MAGI2: variants seen among roughly 807,000 people sequenced by gnomAD.
MAGI2 encodes membrane associated guanylate kinase, WW and PDZ domain containing 2.
In MAGI2, 35 loss-of-function variants were observed where a neutral mutation model predicts 133.3. The observed-to-expected ratio is 0.26, with a 90% CI of 0.20 to 0.35. The LOEUF (loss-of-function observed/expected upper bound fraction) is 0.35, where lower values mean the gene tolerates loss of function less well. Among genes scored for constraint, MAGI2 ranks in the 10% least tolerant of loss-of-function variants. The pLI, the probability that MAGI2 is intolerant of heterozygous loss-of-function variation, is 1.00. For missense variants in MAGI2, 1,636 were observed against 1,863.4 expected (o/e 0.88, Z 2.25); for synonymous variants, 729 against 710.6 (o/e 1.03, Z -0.41).
At chr7:79,345,416 G>C (rs983540437) in intron 1 of MAGI2, among the ~76,000 whole-genome samples, 1 of 151,988 alleles carries the variant, frequency 6.6e-6, no homozygotes, top group Non-Finnish European at 1.5e-5. Flanking sequence ...TTGAAATTCT[G>C]TTCTCTAGAA....
chr7:78,486,787 C>T (rs1228397219), intron 6 of MAGI2: 1 of 418,756 alleles, frequency 2.4e-6, no homozygotes, highest in Non-Finnish European at 4.7e-6. Flanking sequence ...GTTTGAAATT[C>T]CTATCATGTA....
At chr7:79,150,551 A>G (rs1301996831) in intron 1 of MAGI2, among the ~76,000 whole-genome samples, 1 of 152,224 alleles carries the variant, frequency 6.6e-6, no homozygotes, top group Non-Finnish European at 1.5e-5. Context: ...AGAGAACTTT[A>G]TCAATATATT....
At chr7:78,506,199 A>G (rs1563096654) in intron 4 of MAGI2, among the ~76,000 whole-genome samples, 1 of 152,186 alleles carries the variant, frequency 6.6e-6, no homozygotes, top group Non-Finnish European at 1.5e-5. Context: ...AGCAGATTAA[A>G]AAAATATTTA....
intron 2 of MAGI2, among the ~76,000 whole-genome samples, chr7:78,757,866 C>T (rs1005735026): frequency 6.6e-6 from 1 of 152,150 alleles, no homozygotes; most frequent in Non-Finnish European, 1.5e-5. Context: ...CTATAATAAG[C>T]AGTTGACTCC....
Position 79,433,408 on chromosome 7 carries a change from C to T in MAGI2, c.301+19612G>A, listed in dbSNP as rs191016704. 1.6e-4 allele frequency among the ~76,000 whole-genome samples: 25 copies of T among 152,114 alleles called. No individual in the cohort carries two copies. In the East Asian group the frequency reaches 4.5e-3, roughly 27 times the overall value. ...TCTACTAAAAAATACAAAAAATTAG[C>T]CGGGCGTGGTGGCAGGCGCCTGTAG... is the stretch of plus-strand genomic sequence containing the variant. On this transcript the variant is annotated intron_variant, in intron 1 of 21. Transcript: ENST00000354212.
chr7:79,130,177 T>C (rs1384018984), intron 1 of MAGI2, among the ~76,000 whole-genome samples: 1 of 147,818 alleles, frequency 6.8e-6, no homozygotes, highest in African/African-American at 2.5e-5. Flanking sequence ...AAAAATTAGC[T>C]GGCCATGGTG....
chr7:78,420,069 A>T (rs908205018), intron 6 of MAGI2, among the ~76,000 whole-genome samples: 3 of 152,156 alleles, frequency 2.0e-5, no homozygotes, highest in African/African-American at 7.2e-5. Flanking sequence ...TTGAGTTTCT[A>T]TAGTTGTATG....
Position 79,435,014 on chromosome 7 carries a change from C to T in MAGI2, c.301+18006G>A, listed in dbSNP as rs78628546. ...ATTCAGACTTGAATTGAAGCATCAG[C>T]TCTTCCTGGCTTTCAAGCTTCCTGG... On this transcript the variant is annotated intron_variant, in intron 1 of 21. Transcript: ENST00000354212. Among the ~76,000 whole-genome samples the T allele has an allele frequency of 9.0e-3, 1,375 of 152,298 alleles. 25 individuals are homozygous for T. Among genetic ancestry groups the T allele is most frequent in the East Asian group, 0.041 (214 of 5,170 alleles).
At chr7:79,197,654 A>G (rs977191899) in intron 1 of MAGI2, among the ~76,000 whole-genome samples, 2 of 152,016 alleles carry the variant, frequency 1.3e-5, no homozygotes, top group African/African-American at 4.8e-5. Flanking sequence ...GTAACAAAAT[A>G]CCTTAAATTG....
chr7:78,846,052 T>C (rs573635), intron 2 of MAGI2, among the ~76,000 whole-genome samples: 109,056 of 151,718 alleles, frequency 0.72, 39,511 homozygotes, highest in Middle Eastern at 0.79. Flanking sequence ...TATTCAGTAC[T>C]TTTTAGGTTT....
chr7:78,082,552 A>G (rs933576343), intron 20 of MAGI2, among the ~76,000 whole-genome samples: 2 of 152,166 alleles, frequency 1.3e-5, no homozygotes, highest in African/African-American at 4.8e-5. Flanking sequence ...AATCTCTCCT[A>G]TGCCCTTTCC....
intron 1 of MAGI2, among the ~76,000 whole-genome samples, chr7:79,230,268 T>C (rs568375403): frequency 2.8e-4 from 43 of 151,586 alleles, no homozygotes; most frequent in African/African-American, 8.5e-4. Flanking sequence ...GCATGTGTCT[T>C]TATAGCAGCA....
At chr7:78,095,995 C>A (rs1167267876) in intron 20 of MAGI2, among the ~76,000 whole-genome samples, 3 of 152,210 alleles carry the variant, frequency 2.0e-5, no homozygotes, top group Non-Finnish European at 4.4e-5. Context: ...AAAGTGACTT[C>A]ATTTTCATTT....
intron 9 of MAGI2, among the ~76,000 whole-genome samples, chr7:78,303,125 C>T (rs887909161): frequency 2.6e-5 from 4 of 152,040 alleles, no homozygotes; most frequent in Admixed American, 6.6e-5. Context: ...TGCCTGTAGT[C>T]CCAGCACTTT....
intron 2 of MAGI2, among the ~76,000 whole-genome samples, chr7:78,709,010 G>A (rs1448851864): frequency 6.6e-6 from 1 of 151,972 alleles, no homozygotes; most frequent in Non-Finnish European, 1.5e-5. Flanking sequence ...CACTAGCTAT[G>A]CTCTCATCAT....
At chr7:78,308,996 C>G (rs1352416399) in intron 9 of MAGI2, among the ~76,000 whole-genome samples, 1 of 151,928 alleles carries the variant, frequency 6.6e-6, no homozygotes, top group African/African-American at 2.4e-5. Context: ...GATATCATCT[C>G]ACACTAATCA....
intron 1 of MAGI2, among the ~76,000 whole-genome samples, chr7:79,397,882 G>T (rs1845176058): frequency 6.6e-6 from 1 of 152,008 alleles, no homozygotes; most frequent in African/African-American, 2.4e-5. Context: ...CTTAGTTCAA[G>T]ATGCCACTTA....
At chr7:79,089,066 A>C (rs1441943192) in intron 1 of MAGI2, among the ~76,000 whole-genome samples, 2 of 152,016 alleles carry the variant, frequency 1.3e-5, no homozygotes, top group Non-Finnish European at 2.9e-5. Context: ...ACAGAATCTA[A>C]TGTATCCAGA....
At chr7:78,367,683 C>T (rs755506692) in intron 7 of MAGI2, among the ~76,000 whole-genome samples, 26 of 152,100 alleles carry the variant, frequency 1.7e-4, no homozygotes, top group Admixed American at 5.2e-4. Flanking sequence ...ATGTGATATG[C>T]CTCACACTCA....
Sources: gnomAD v4.1 joint callset for allele counts (sites outside exome capture counted in the v4.1 genomes callset) on GRCh38, gnomAD v4.1.1 for gene constraint, MANE v1.5 for transcripts, NCBI Gene and HGNC (gene_info 2026-07-23, HGNC 2026-07-21) for gene names.